PGBD2: variants seen among roughly 807,000 people sequenced by gnomAD.
PGBD2 encodes piggyBac transposable element derived 2, also known as piggyBac transposable element-derived protein 2.
Under a neutral mutation model 8.1 loss-of-function variants are expected in PGBD2, and 6 were observed. That is an observed-to-expected ratio of 0.74 (90% confidence interval 0.40 to 1.46). The LOEUF is 1.46. PGBD2 is among the 40% of genes most tolerant of loss of function. The probability of loss-of-function intolerance (pLI) is 0.02; values close to 1 mark genes in which losing one functional copy is unlikely to be tolerated. For missense variants in PGBD2, 802 were observed against 739.0 expected, an observed-to-expected ratio of 1.09 and a Z score of -0.99; for synonymous variants, 318 against 272.2, an observed-to-expected ratio of 1.17 and a Z score of -1.66.
At chr1:248,927,056 T>C in the PGBD2 span, among the ~76,000 whole-genome samples, 1 of 152,114 alleles carries the variant, frequency 6.6e-6, no homozygotes, top group Non-Finnish European at 1.5e-5. Flanking sequence ...TGGTGATATA[T>C]GGCACAGAGA....
the PGBD2 span, among the ~76,000 whole-genome samples, chr1:248,890,953 C>G: frequency 1.1e-4 from 16 of 151,492 alleles, no homozygotes; most frequent in Admixed American, 2.0e-4. Flanking sequence ...CACAGCCACA[C>G]CTCTCTACAC....
chr1:248,916,576 C>G, intron 2 of PGBD2, 26 bp from the exon 3 acceptor site: 1 of 1,604,486 alleles, frequency 6.2e-7, no homozygotes, highest in Admixed American at 1.7e-5. Context: ...ATGGCCTCTT[C>G]CTGATTCTGT....
Position 248,909,882 on chromosome 1 carries a change from G to A in PGBD2, c.-48+3540G>A, listed in dbSNP as rs774561105. On this transcript the variant is annotated intron_variant, in intron 1 of 2. Transcript: ENST00000329291. The stretch of plus-strand genomic sequence containing the variant: ...CTGAACCTAGAGGCAGAACTGGGTC[G>A]GGATGAGGCTGGGGACCAGGCTGTG... Among the ~76,000 whole-genome samples the A allele has an allele frequency of 5.6e-4, 85 of 152,204 alleles. 1 individual carries two copies. The highest frequency in any genetic ancestry group is 9.7e-4 in the Non-Finnish European group (66 of 68,040).
At chr1:248,882,627 A>G in the PGBD2 span, among the ~76,000 whole-genome samples, 2 of 152,170 alleles carry the variant, frequency 1.3e-5, no homozygotes, top group Non-Finnish European at 2.9e-5. Flanking sequence ...TCTTATCCAT[A>G]TGGACAGGCG....
intron 1 of PGBD2, among the ~76,000 whole-genome samples, chr1:248,908,671 AT>A (rs1661750598): frequency 7.0e-6 from 1 of 142,150 alleles, no homozygotes; most frequent in African/African-American, 2.7e-5. Context: ...TCCTTCTGTT[AT>A]GCTCTTCCTG....
the PGBD2 span, among the ~76,000 whole-genome samples, chr1:248,899,900 A>C: frequency 6.6e-6 from 1 of 151,878 alleles, no homozygotes; most frequent in African/African-American, 2.4e-5. Flanking sequence ...AGGGGATATC[A>C]CCACTGACGC....
chr1:248,892,427 G>A, the PGBD2 span, among the ~76,000 whole-genome samples: 1 of 151,584 alleles, frequency 6.6e-6, no homozygotes, highest in Non-Finnish European at 1.5e-5. Context: ...GTTAGTTACA[G>A]GACAATAAAG....
chr1:248,885,301 C>G, the PGBD2 span, among the ~76,000 whole-genome samples: 1 of 147,160 alleles, frequency 6.8e-6, no homozygotes, highest in Non-Finnish European at 1.5e-5. Context: ...TGTCTGGCTA[C>G]TTTTTAATTT....
chr1:248,910,420 C>G (rs1661829249), intron 1 of PGBD2, among the ~76,000 whole-genome samples: 1 of 152,214 alleles, frequency 6.6e-6, no homozygotes, highest in African/African-American at 2.4e-5. Context: ...CACACATTGA[C>G]TCTTACTGTT....
chr1:248,910,618 GTCTT>G (rs1008628073), intron 1 of PGBD2, among the ~76,000 whole-genome samples: 36 of 152,296 alleles, frequency 2.4e-4, no homozygotes, highest in African/African-American at 8.4e-4. Flanking sequence ...AGGGACTGAG[GTCTT>G]TCTTCTGCAC....
At chr1:248,874,916 A>AGATAGATG in the PGBD2 span, among the ~76,000 whole-genome samples, 12 of 142,510 alleles carry the variant, frequency 8.4e-5, no homozygotes, top group African/African-American at 2.9e-4. Flanking sequence ...ATAGATAGAT[A>AGATAGATG]GATAGATAGA....
the PGBD2 span, among the ~76,000 whole-genome samples, chr1:248,874,552 A>G: frequency 5.3e-5 from 8 of 152,170 alleles, no homozygotes; most frequent in Admixed American, 1.3e-4. Flanking sequence ...AAATGATCCA[A>G]AAAGATAGCT....
At chr1:248,908,956 C>A (rs745319391) in intron 1 of PGBD2, among the ~76,000 whole-genome samples, 1 of 152,114 alleles carries the variant, frequency 6.6e-6, no homozygotes, top group Non-Finnish European at 1.5e-5. Context: ...GATCAGTTTC[C>A]GTTTTACGGG....
Position 248,913,902 on chromosome 1 carries a change from T to G in PGBD2, c.17+23T>G, listed in dbSNP as rs76917112. 6,655 of 1,598,086 alleles carry G rather than the reference T, an allele frequency of 4.2e-3. 250 individuals are homozygous for G. In the African/African-American group the frequency reaches 0.079, roughly 19 times the overall value. ...CAGGTAGGAGTGCTGTTTGATCAAA[T>G]GTTTTATTGAAGAATTTATTCCCCT... On this transcript the variant is annotated intron_variant, in intron 2 of 2. Transcript: ENST00000329291.
At chr1:248,926,791 C>T in the PGBD2 span, among the ~76,000 whole-genome samples, 1 of 151,854 alleles carries the variant, frequency 6.6e-6, no homozygotes, top group Non-Finnish European at 1.5e-5. Flanking sequence ...ATCCTATGTT[C>T]CAAAAGCCTA....
the PGBD2 span, among the ~76,000 whole-genome samples, chr1:248,928,173 A>C: frequency 6.6e-6 from 1 of 152,144 alleles, no homozygotes; most frequent in South Asian, 2.1e-4. Context: ...TTTTTTAAAA[A>C]ATTATATCAA....
upstream of PGBD2, among the ~76,000 whole-genome samples, chr1:248,904,527 T>A (rs1661587166): frequency 6.6e-6 from 1 of 152,198 alleles, no homozygotes; most frequent in Non-Finnish European, 1.5e-5. Flanking sequence ...CATAAAGGTA[T>A]GGAAGAAACA....
the PGBD2 span, among the ~76,000 whole-genome samples, chr1:248,874,667 C>T: frequency 7.9e-5 from 12 of 152,158 alleles, no homozygotes; most frequent in East Asian, 2.1e-3. Flanking sequence ...CCTAGAGGGG[C>T]GGGTCAGGGC....
the PGBD2 span, among the ~76,000 whole-genome samples, chr1:248,874,234 G>T: frequency 5.3e-5 from 8 of 152,142 alleles, no homozygotes; most frequent in Non-Finnish European, 7.3e-5. Flanking sequence ...ATTGCTAAAT[G>T]ACGCATCATG....
Sources: gnomAD v4.1 joint callset for allele counts (sites outside exome capture counted in the v4.1 genomes callset) on GRCh38, gnomAD v4.1.1 for gene constraint, MANE v1.5 for transcripts, NCBI Gene and HGNC (gene_info 2026-07-23, HGNC 2026-07-21) for gene names.